Variants in CTNNA2 observed in about 807,000 individuals in gnomAD.
The protein encoded by CTNNA2 is catenin alpha-2.
A neutral mutation model predicts 101.0 loss-of-function variants in CTNNA2; 42 were observed. That is an observed-to-expected ratio of 0.42 (90% CI 0.32 to 0.54). The LOEUF (loss-of-function observed/expected upper bound fraction) is 0.54, where lower values mean the gene tolerates loss of function less well. Among genes scored for constraint, CTNNA2 ranks in the 20% least tolerant of loss-of-function variants. CTNNA2 has a pLI of 0.14. For synonymous variants in CTNNA2, 450 were observed against 456.4 expected (o/e 0.99, Z 0.18); for missense variants, 871 against 1,223.1 (o/e 0.71, Z 4.29).
intron 7 of CTNNA2, among the ~76,000 whole-genome samples, chr2:79,966,956 C>T (rs1690109172): frequency 6.6e-6 from 1 of 152,020 alleles, no homozygotes; most frequent in African/African-American, 2.4e-5. Flanking sequence ...CTAAAATTCG[C>T]AGTGCCTTGG....
intron 3 of CTNNA2, among the ~76,000 whole-genome samples, chr2:79,323,753 CT>C (rs1003832240): frequency 2.6e-5 from 4 of 152,108 alleles, no homozygotes; most frequent in Non-Finnish European, 5.9e-5. Flanking sequence ...CTGGGAAAGT[CT>C]TTTGGGTATA....
chr2:79,350,901 T>C (rs1032240164), intron 3 of CTNNA2, among the ~76,000 whole-genome samples: 3 of 152,316 alleles, frequency 2.0e-5, no homozygotes, highest in Middle Eastern at 3.4e-3. Context: ...ATGTGGGGCA[T>C]GTTTTAATAT....
At chr2:79,320,781 G>A (rs773162684) in intron 3 of CTNNA2, among the ~76,000 whole-genome samples, 1 of 152,128 alleles carries the variant, frequency 6.6e-6, no homozygotes, top group Non-Finnish European at 1.5e-5. Context: ...AAGAGCACCA[G>A]CCTGACGAAT....
At chr2:80,261,733 A>G (rs1043384742) in intron 7 of CTNNA2, among the ~76,000 whole-genome samples, 6 of 152,204 alleles carry the variant, frequency 3.9e-5, no homozygotes, top group African/African-American at 9.6e-5. Flanking sequence ...TTTGAAAATT[A>G]TATTTAGGCT....
chr2:80,481,432 TAA>T (rs894533981), intron 9 of CTNNA2, among the ~76,000 whole-genome samples: 13 of 152,236 alleles, frequency 8.5e-5, no homozygotes, highest in Admixed American at 2.6e-4. Context: ...GTCAGGAACT[TAA>T]AAGTGTTTGG....
At position 79,651,377 on chromosome 2, in the gene CTNNA2, T is replaced by C. The variant is rs77769156; in HGVS notation, c.-5-175T>C. Among the ~76,000 whole-genome samples, 1,287 of 152,258 alleles carry C rather than the reference T, an allele frequency of 8.5e-3. 27 individuals carry two copies. Among genetic ancestry groups the C allele is most frequent in the African/African-American group, 0.028 (1,168 of 41,550 alleles). On this transcript the variant is annotated intron_variant, in intron 1 of 18. Transcript: ENST00000402739. ...CTCAGTTTTTAATCTGATTCCAACATTGCCACCTCACAGTGTACTGGTCTG... is the reference window on the plus strand; with the variant it reads ...CTCAGTTTTTAATCTGATTCCAACACTGCCACCTCACAGTGTACTGGTCTG...
At chr2:80,604,208 G>A in intron 16 of CTNNA2, 29 bp downstream of exon 16, 2 of 1,566,364 alleles carry the variant, frequency 1.3e-6, no homozygotes, top group East Asian at 2.2e-5. Context: ...GTGGGCACAT[G>A]CTGAGTGGAG....
At chr2:80,137,842 C>G (rs1179725114) in intron 7 of CTNNA2, among the ~76,000 whole-genome samples, 1 of 151,486 alleles carries the variant, frequency 6.6e-6, no homozygotes, top group Non-Finnish European at 1.5e-5. Context: ...GGATTTTAAA[C>G]AACAAAGTAT....
intron 1 of CTNNA2, among the ~76,000 whole-genome samples, chr2:79,185,875 G>T (rs1473897349): frequency 2.6e-5 from 4 of 152,140 alleles, no homozygotes; most frequent in African/African-American, 4.8e-5. Flanking sequence ...GAAGGAAAAG[G>T]GAAGATGTGT....
At chr2:79,425,346 C>A (rs1486106850) in intron 4 of CTNNA2, among the ~76,000 whole-genome samples, 1 of 152,142 alleles carries the variant, frequency 6.6e-6, no homozygotes, top group Non-Finnish European at 1.5e-5. Context: ...AGGGTTCCAT[C>A]ATCATTATTT....
chr2:79,873,414 A>G (rs1682743940), intron 5 of CTNNA2, among the ~76,000 whole-genome samples: 1 of 152,224 alleles, frequency 6.6e-6, no homozygotes, highest in Non-Finnish European at 1.5e-5. Context: ...GAGGTACGTT[A>G]TAGAAGAGAA....
At chr2:80,049,398 A>T (rs916237593) in intron 7 of CTNNA2, among the ~76,000 whole-genome samples, 12 of 152,192 alleles carry the variant, frequency 7.9e-5, no homozygotes, top group African/African-American at 2.9e-4. Flanking sequence ...TAATATAACA[A>T]ACACATAAAA....
At position 79,517,077 on chromosome 2, in the gene CTNNA2, G is replaced by C. The variant is rs572917474; in HGVS notation, c.-6+3870G>C. On this transcript the variant is annotated intron_variant, in intron 1 of 18. Coordinates refer to ENST00000402739, the MANE Select transcript of CTNNA2 (RefSeq NM_001282597.3). Reference sequence around the variant, plus strand: ...GAGACTAATGTGTGATGAGGATAGAGAGTCTAGGAAGGAATTTGCATGGAG... The same window carrying C: ...GAGACTAATGTGTGATGAGGATAGACAGTCTAGGAAGGAATTTGCATGGAG... Among the ~76,000 whole-genome samples, 6 of 152,252 alleles carry C rather than the reference G, an allele frequency of 3.9e-5. No individual in the cohort carries two copies. In the South Asian group the frequency reaches 1.2e-3, roughly 32 times the overall value.
chr2:80,432,314 T>C (rs1279646171), intron 9 of CTNNA2, among the ~76,000 whole-genome samples: 1 of 152,210 alleles, frequency 6.6e-6, no homozygotes, highest in Non-Finnish European at 1.5e-5. Flanking sequence ...TTTAATCATA[T>C]GTAAAATACA....
At chr2:79,244,485 G>A (rs1202358513) in intron 2 of CTNNA2, among the ~76,000 whole-genome samples, 1 of 152,138 alleles carries the variant, frequency 6.6e-6, no homozygotes, top group Non-Finnish European at 1.5e-5. Context: ...TTGAACACAG[G>A]CACTAAGTTT....
chr2:79,565,356 ACT>A (rs1269999550), intron 1 of CTNNA2, among the ~76,000 whole-genome samples: 2 of 151,288 alleles, frequency 1.3e-5, no homozygotes, highest in Non-Finnish European at 2.9e-5. Flanking sequence ...GAGGGGCCAG[ACT>A]CCTCCCCACT....
intron 3 of CTNNA2, among the ~76,000 whole-genome samples, chr2:79,795,719 G>A (rs1268716515): frequency 6.6e-6 from 1 of 152,168 alleles, no homozygotes; most frequent in African/African-American, 2.4e-5. Flanking sequence ...TGATGTGAGT[G>A]CTGCGATATT....
intron 9 of CTNNA2, among the ~76,000 whole-genome samples, chr2:80,433,710 C>T (rs1020276847): frequency 1.3e-5 from 2 of 152,162 alleles, no homozygotes; most frequent in African/African-American, 4.8e-5. Context: ...TCCTCTCTCA[C>T]TGACTTCACA....
At chr2:79,368,141 A>T (rs946439116) in intron 3 of CTNNA2, among the ~76,000 whole-genome samples, 1 of 152,230 alleles carries the variant, frequency 6.6e-6, no homozygotes. Flanking sequence ...ACTCTTCATC[A>T]TGCACTTACC....
Sources: allele counts gnomAD v4.1 joint callset (sites outside exome capture counted in the v4.1 genomes callset), GRCh38; gene constraint gnomAD v4.1.1; transcripts MANE v1.5; gene names NCBI Gene and HGNC (gene_info 2026-07-23, HGNC 2026-07-21).